TACC1: variants seen among roughly 807,000 people sequenced by gnomAD.
TACC1 encodes transforming acidic coiled-coil-containing protein 1.
A neutral mutation model predicts 84.4 loss-of-function variants in TACC1; 48 were observed. The observed-to-expected ratio is 0.57, with a 90% CI of 0.45 to 0.72. The LOEUF is 0.72. Among genes scored for constraint, TACC1 ranks in the 30% least tolerant of loss-of-function variants. The pLI is 0.00. For missense variants in TACC1, 920 were observed against 973.0 expected, an observed-to-expected ratio of 0.95 and a Z score of 0.72; for synonymous variants, 372 against 376.3, an observed-to-expected ratio of 0.99 and a Z score of 0.13.
chr8:38,730,763 C>A (rs1804767863), intron 1 of TACC1, among the ~76,000 whole-genome samples: 1 of 152,144 alleles, frequency 6.6e-6, no homozygotes, highest in African/African-American at 2.4e-5. Flanking sequence ...CGAAGAATGC[C>A]CCTGAGAATA....
chr8:38,824,196 C>T (rs564093186), intron 3 of TACC1, among the ~76,000 whole-genome samples: 1 of 152,298 alleles, frequency 6.6e-6, no homozygotes, highest in East Asian at 1.9e-4. Flanking sequence ...TTGCAGTTGT[C>T]CATACCTAAG....
intron 3 of TACC1, among the ~76,000 whole-genome samples, chr8:38,771,622 C>T (rs556151361): frequency 5.3e-5 from 8 of 152,300 alleles, no homozygotes; most frequent in East Asian, 3.9e-4. Context: ...CACATAAGTG[C>T]GCATGGGTGT....
chr8:38,754,806 G>A (rs1303177476), intron 3 of TACC1, among the ~76,000 whole-genome samples: 1 of 152,160 alleles, frequency 6.6e-6, no homozygotes. Context: ...CTGGACCCTG[G>A]GAACTTTCTG....
rs3076913 is a variant in TACC1 at position 38,743,292 on chromosome 8, TTGAATGAATGAA to T, written c.-574+863_-574+874del. On this transcript the variant is annotated intron_variant, in intron 2 of 14. Transcript: ENST00000518415. ...AAGGTAGGCATTCAGTATATATTTG[TTGAATGAATGAA>T]TGAATGAATGAATGAATGAATAACT... is the stretch of plus-strand genomic sequence containing the variant. Among the ~76,000 whole-genome samples, 90 of 151,044 alleles carry T rather than the reference TTGAATGAATGAA, an allele frequency of 6.0e-4. 1 individual carries two copies. The South Asian group carries it at 0.015, about 25-fold the overall frequency.
Position 38,816,144 on chromosome 8 carries a change from T to C in TACC1, c.278-3378T>C, listed in dbSNP as rs575553138. Among the ~76,000 whole-genome samples the C allele has an allele frequency of 4.6e-5, 7 of 152,272 alleles. No homozygotes were observed. In the South Asian group the frequency reaches 1.2e-3, roughly 27 times the overall value. Reference sequence around the variant, plus strand: ...TCTGTAAGAGGAGCAGAGGGGAATTTGTGTTTCAGATTTGAGTTATTAACA... The same window carrying C: ...TCTGTAAGAGGAGCAGAGGGGAATTCGTGTTTCAGATTTGAGTTATTAACA... On this transcript the variant is annotated intron_variant, in intron 2 of 12. Coordinates refer to ENST00000317827, the MANE Select transcript of TACC1 (RefSeq NM_006283.3).
chr8:38,796,329 T>C (rs1310952605), intron 2 of TACC1, among the ~76,000 whole-genome samples: 1 of 152,194 alleles, frequency 6.6e-6, no homozygotes, highest in African/African-American at 2.4e-5. Flanking sequence ...CTCCAGGAAA[T>C]TTGTGAATCC....
upstream of TACC1, chr8:38,787,112 G>C (rs1427290601): frequency 4.1e-6 from 4 of 983,010 alleles, no homozygotes; most frequent in East Asian, 1.1e-4. Flanking sequence ...GCGCGCGGCC[G>C]TCTTCAAAGC....
intron 1 of TACC1, among the ~76,000 whole-genome samples, chr8:38,736,498 C>G (rs540169059): frequency 1.2e-3 from 176 of 152,224 alleles, no homozygotes; most frequent in Non-Finnish European, 2.1e-3. Context: ...CGCCTGTAGT[C>G]CCAGCTACTT....
intron 1 of TACC1, among the ~76,000 whole-genome samples, chr8:38,733,010 C>T (rs1002211352): frequency 1.3e-5 from 2 of 152,116 alleles, no homozygotes; most frequent in East Asian, 1.9e-4. Flanking sequence ...TTGGAAGACT[C>T]GGCACCGGAC....
chr8:38,838,454 C>G lies in TACC1; in HGVS notation c.1840-16C>G, dbSNP rs775089620. ...TTGTAATAGATTGGGTAAAACTAAG[C>G]TTTATTGTACTCTAGATAATTACTA... is the stretch of plus-strand genomic sequence containing the variant. On this transcript the variant is annotated splice_polypyrimidine_tract_variant and intron_variant, in intron 7 of 12. Coordinates refer to ENST00000317827, the MANE Select transcript of TACC1 (RefSeq NM_006283.3). 2.5e-6 allele frequency: 4 copies of G among 1,595,624 alleles called. No individual in the cohort carries two copies. Among genetic ancestry groups the G allele is most frequent in the Non-Finnish European group, 3.4e-6 (4 of 1,163,934 alleles).
At chr8:38,788,218 C>T in intron 1 of TACC1, 1 of 173,844 alleles carries the variant, frequency 5.8e-6, no homozygotes, top group South Asian at 1.3e-4. Context: ...GTGGTCTCTG[C>T]CGGGCTGTCA....
intron 3 of TACC1, among the ~76,000 whole-genome samples, chr8:38,759,046 A>C (rs1310637504): frequency 1.3e-5 from 2 of 152,260 alleles, no homozygotes; most frequent in African/African-American, 4.8e-5. Flanking sequence ...ATAGCTAATT[A>C]GACAAAATTG....
intron 3 of TACC1, among the ~76,000 whole-genome samples, chr8:38,767,173 T>C (rs117665817): frequency 6.6e-6 from 1 of 152,172 alleles, no homozygotes; most frequent in Non-Finnish European, 1.5e-5. Context: ...TGTTCTTAAA[T>C]AGGGGTTTGA....
intron 6 of TACC1, among the ~76,000 whole-genome samples, chr8:38,832,285 GA>G (rs1829417332): frequency 6.6e-6 from 1 of 152,250 alleles, no homozygotes; most frequent in Non-Finnish European, 1.5e-5. Context: ...TGTTGTGTTA[GA>G]ATACACTGGT....
At chr8:38,799,535 GAA>G (rs1820848753) in intron 2 of TACC1, 1 of 152,214 alleles carries the variant, frequency 6.6e-6, no homozygotes, top group Non-Finnish European at 1.5e-5. Context: ...ATTTGTGAGG[GAA>G]GAAATTCCCC....
chr8:38,773,573 G>GCTATCTATCTAGCTATCTATCTAT (rs1563381430), intron 3 of TACC1, among the ~76,000 whole-genome samples: 5 of 116,406 alleles, frequency 4.3e-5, no homozygotes, highest in African/African-American at 1.1e-4. Context: ...TATCTATCTA[G>GCTATCTATCTAGCTATCTATCTAT]CTAGCTATCT....
chr8:38,747,508 A>G (rs1034124032), intron 3 of TACC1, among the ~76,000 whole-genome samples: 1 of 152,256 alleles, frequency 6.6e-6, no homozygotes, highest in African/African-American at 2.4e-5. Context: ...ACAATGGAAT[A>G]TTATTCAGTG....
chr8:38,781,672 C>T (rs1034901748), intron 3 of TACC1, among the ~76,000 whole-genome samples: 6 of 152,088 alleles, frequency 3.9e-5, no homozygotes, highest in Admixed American at 2.6e-4. Flanking sequence ...TGAGCCACTG[C>T]GCCTGGCCAG....
chr8:38,835,890 T>C (rs936921436), intron 6 of TACC1, among the ~76,000 whole-genome samples: 2 of 152,262 alleles, frequency 1.3e-5, no homozygotes, highest in Non-Finnish European at 2.9e-5. Context: ...TGACCGCTAT[T>C]ATAAGTACAC....
Sources: gnomAD v4.1 joint callset for allele counts (sites outside exome capture counted in the v4.1 genomes callset) on GRCh38, gnomAD v4.1.1 for gene constraint, MANE v1.5 for transcripts, NCBI Gene and HGNC (gene_info 2026-07-23, HGNC 2026-07-21) for gene names.